Variants in CHL1 observed in about 807,000 individuals in gnomAD.
CHL1 encodes the protein cell adhesion molecule L1 like, also known as neural cell adhesion molecule L1-like protein.
CHL1 carries 96 observed loss-of-function variants against 141.9 expected under a neutral mutation model. The ratio of observed to expected loss-of-function variants is 0.68; its 90% CI spans 0.57 to 0.80. CHL1 has a LOEUF of 0.80. Ranked by LOEUF, CHL1 falls within the 30% of genes least tolerant of loss-of-function variation. The pLI, the probability that CHL1 is intolerant of heterozygous loss-of-function variation, is 0.00. For missense variants in CHL1, 1,820 were observed against 1,457.2 expected (o/e 1.25, Z -4.05); for synonymous variants, 613 against 502.2 (o/e 1.22, Z -2.95).
chr3:263,113 A>G (rs1694869974), intron 2 of CHL1, among the ~76,000 whole-genome samples: 1 of 152,336 alleles, frequency 6.6e-6, no homozygotes, highest in Non-Finnish European at 1.5e-5. Flanking sequence ...TCTCTGCTAA[A>G]TAAGTTGCAC....
At chr3:314,695 C>T (rs1376916847) in intron 2 of CHL1, among the ~76,000 whole-genome samples, 1 of 151,836 alleles carries the variant, frequency 6.6e-6, no homozygotes, top group African/African-American at 2.4e-5. Flanking sequence ...CTCTTATCTT[C>T]CAACAGGGTA....
chr3:295,437 T>A (rs1698099848), intron 2 of CHL1, among the ~76,000 whole-genome samples: 1 of 152,034 alleles, frequency 6.6e-6, no homozygotes, highest in South Asian at 2.1e-4. Flanking sequence ...AAGACTTAAA[T>A]AAAAGTGATA....
chr3:235,729 G>A (rs1020238106), intron 1 of CHL1, among the ~76,000 whole-genome samples: 1 of 152,130 alleles, frequency 6.6e-6, no homozygotes, highest in African/African-American at 2.4e-5. Flanking sequence ...TCAGAACTGG[G>A]TCCTATTTGA....
intron 8 of CHL1, 26 bp from the exon 9 acceptor site, chr3:344,563 T>G (rs1016730792): frequency 2.5e-6 from 4 of 1,580,468 alleles, no homozygotes; most frequent in East Asian, 4.5e-5. Context: ...TTGAAAAAAT[T>G]CTGACTTTTC....
chr3:287,034 A>G (rs536022128), intron 2 of CHL1, among the ~76,000 whole-genome samples: 10 of 152,140 alleles, frequency 6.6e-5, no homozygotes, highest in African/African-American at 2.2e-4. Flanking sequence ...CCAACCTCCT[A>G]TCTCATCCTC....
At chr3:344,800 A>T in intron 9 of CHL1, 91 bp downstream of exon 9, 2 of 1,281,856 alleles carry the variant, frequency 1.6e-6, no homozygotes, top group South Asian at 3.1e-5. Flanking sequence ...TTGCAAAGAT[A>T]TTTTAAAATT....
At chr3:209,570 T>A (rs1575603782) in intron 1 of CHL1, among the ~76,000 whole-genome samples, 1 of 152,342 alleles carries the variant, frequency 6.6e-6, no homozygotes, top group East Asian at 1.9e-4. Context: ...AATCTTTTTT[T>A]TGTCATTATT....
chr3:316,213 C>G (rs902625803), intron 2 of CHL1, among the ~76,000 whole-genome samples: 1 of 152,058 alleles, frequency 6.6e-6, no homozygotes, highest in African/African-American at 2.4e-5. Context: ...GGGTCTATGT[C>G]TGCAGCTCTA....
At position 361,806 on chromosome 3, in the gene CHL1, T is replaced by C. The variant is rs1442372472; in HGVS notation, c.1414T>C (p.Ser472Pro). ...CTTTGCTTCACCTGAGGCAGTCGTGTCCTGGTAAGCCGGTGGCTCATGGTT... is the reference window on the plus strand; with the variant it reads ...CTTTGCTTCACCTGAGGCAGTCGTGCCCTGGTAAGCCGGTGGCTCATGGTT... The part of the protein sequence containing the change: ...EFFASPEAVV[S>P]WQKVEEVKPL... The change falls in exon 13 of 28, where the codon TCC becomes CCC. Residue 472 changes from serine (S) to proline (P), a missense_variant. By Grantham distance (74) the Ser-to-Pro change is moderately conservative. Transcript: ENST00000256509. 6.2e-7 allele frequency: 1 copy of C among 1,605,292 alleles called. No homozygotes were observed. The highest frequency in any genetic ancestry group is 1.7e-5 in the Admixed American group (1 of 59,950).
chr3:202,422 A>C (rs965242915), intron 1 of CHL1, among the ~76,000 whole-genome samples: 1 of 152,228 alleles, frequency 6.6e-6, no homozygotes, highest in African/African-American at 2.4e-5. Context: ...ACATATACCA[A>C]TAATGATTGC....
At chr3:363,717 A>G (rs1169870002) in intron 14 of CHL1, 1 of 176,466 alleles carries the variant, frequency 5.7e-6, no homozygotes, top group Non-Finnish European at 1.2e-5. Flanking sequence ...GGTAATGGTA[A>G]CAGTAATCAA....
intron 27 of CHL1, among the ~76,000 whole-genome samples, chr3:403,448 G>A (rs192211117): frequency 2.6e-5 from 4 of 152,266 alleles, no homozygotes; most frequent in Admixed American, 1.3e-4. Flanking sequence ...TTCAAAAGCT[G>A]AGGCAGGAGA....
At chr3:255,289 A>C (rs1381810805) in intron 2 of CHL1, among the ~76,000 whole-genome samples, 1 of 152,190 alleles carries the variant, frequency 6.6e-6, no homozygotes, top group Non-Finnish European at 1.5e-5. Flanking sequence ...AAATGACTGG[A>C]GTCCCAGCTG....
intron 2 of CHL1, among the ~76,000 whole-genome samples, chr3:278,340 T>C (rs1337357679): frequency 6.6e-6 from 1 of 152,202 alleles, no homozygotes; most frequent in East Asian, 1.9e-4. Context: ...GTTCCAGATT[T>C]CCCCACAATC....
intron 2 of CHL1, chr3:246,597 A>T (rs1693194350): frequency 6.6e-6 from 1 of 152,120 alleles, no homozygotes; most frequent in African/African-American, 2.4e-5. Flanking sequence ...TCCTCCCAGA[A>T]TACCCAACCT....
chr3:317,461 T>G (rs1442306100), intron 2 of CHL1, among the ~76,000 whole-genome samples: 1 of 151,908 alleles, frequency 6.6e-6, no homozygotes, highest in African/African-American at 2.4e-5. Context: ...TACGATCTCC[T>G]AGTAGCATAA....
chr3:292,918 A>G (rs1013045672), intron 2 of CHL1, among the ~76,000 whole-genome samples: 17 of 152,206 alleles, frequency 1.1e-4, no homozygotes, highest in Non-Finnish European at 2.4e-4. Flanking sequence ...CTCCAAAATC[A>G]GGGAGTACGT....
chr3:377,485 A>G (rs1706476067), intron 15 of CHL1, among the ~76,000 whole-genome samples: 1 of 152,158 alleles, frequency 6.6e-6, no homozygotes, highest in African/African-American at 2.4e-5. Context: ...CTTAAGAATT[A>G]CTCAAATATA....
chr3:388,028 T>C (rs1707898189), intron 19 of CHL1, among the ~76,000 whole-genome samples: 1 of 152,234 alleles, frequency 6.6e-6, no homozygotes, highest in Non-Finnish European at 1.5e-5. Context: ...TATGACATTG[T>C]TGACTCACTC....
Sources: gnomAD v4.1 joint callset for allele counts (sites outside exome capture counted in the v4.1 genomes callset) on GRCh38, gnomAD v4.1.1 for gene constraint, MANE v1.5 for transcripts, NCBI Gene and HGNC (gene_info 2026-07-23, HGNC 2026-07-21) for gene names.